Variants in FBXL3 observed in about 807,000 individuals in gnomAD.
FBXL3 encodes F-box and leucine rich repeat protein 3, also known as F-box/LRR-repeat protein 3.
In FBXL3, 14 loss-of-function variants were observed where a neutral mutation model predicts 37.9. The observed-to-expected ratio is 0.37, with a 90% confidence interval of 0.24 to 0.58. FBXL3 has a LOEUF of 0.58. Among genes scored for constraint, FBXL3 ranks in the 20% least tolerant of loss-of-function variants. FBXL3 has a pLI of 0.74. For missense variants in FBXL3, 327 were observed against 511.1 expected, an observed-to-expected ratio of 0.64 and a Z score of 3.47; for synonymous variants, 194 against 180.1, an observed-to-expected ratio of 1.08 and a Z score of -0.62.
At chr13:77,024,514 T>C (rs2034803379) in intron 1 of FBXL3, among the ~76,000 whole-genome samples, 2 of 152,206 alleles carry the variant, frequency 1.3e-5, no homozygotes, top group Non-Finnish European at 2.9e-5. Flanking sequence ...CTTTAGAGTA[T>C]ATGGATATAT....
At chr13:77,026,200 T>C (rs1431252567) in intron 1 of FBXL3, 3 of 985,328 alleles carry the variant, frequency 3.0e-6, no homozygotes, top group African/African-American at 1.7e-5. Flanking sequence ...GACCATTTAC[T>C]GGGCTGCTTC....
At chr13:77,007,818 T>C (rs1195535445) in intron 4 of FBXL3, 30 bp from the exon 5 acceptor site, 4 of 1,522,416 alleles carry the variant, frequency 2.6e-6, no homozygotes, top group Non-Finnish European at 3.5e-6. Flanking sequence ...TATTTGCAAG[T>C]TTTTGTAAAA....
intron 1 of FBXL3, among the ~76,000 whole-genome samples, chr13:77,025,003 AC>A (rs1195326074): frequency 6.6e-6 from 1 of 152,226 alleles, no homozygotes; most frequent in East Asian, 1.9e-4. Flanking sequence ...GAAAAAATTT[AC>A]ACTACTTTAA....
At chr13:77,015,827 C>A in intron 3 of FBXL3, 1 of 238,140 alleles carries the variant, frequency 4.2e-6, no homozygotes, top group East Asian at 8.0e-5. Context: ...ATAAGTGTCT[C>A]TAAATCAGAG....
chr13:77,024,197 T>C (rs985210933), intron 1 of FBXL3, among the ~76,000 whole-genome samples: 1 of 152,170 alleles, frequency 6.6e-6, no homozygotes, highest in African/African-American at 2.4e-5. Flanking sequence ...CTAATAATAA[T>C]CCCTCACTAG....
chr13:77,024,430 C>T (rs2034802129), intron 1 of FBXL3, among the ~76,000 whole-genome samples: 1 of 152,172 alleles, frequency 6.6e-6, no homozygotes. Flanking sequence ...TTATAGAATA[C>T]TGATTGCCTG....
chr13:77,007,346 T>C lies in FBXL3; in HGVS notation c.1086A>G (p.Ser362=). 1 of 1,614,150 alleles carries C rather than the reference T, an allele frequency of 6.2e-7. No individual in the cohort carries two copies. The highest frequency in any genetic ancestry group is 8.5e-7 in the Non-Finnish European group (1 of 1,180,024). The part of the protein sequence containing the change: ...IRIAERCKNL[S]AIGLGECEVS... ...CTTCACATTCCCCTAGTCCAATAGC[T>C]GACAAATTTTTGCAACGTTCTGCAA... Residue 362 remains serine, a synonymous_variant, in exon 5 of 5, where the codon TCA becomes TCG. Coordinates refer to ENST00000355619, the MANE Select transcript of FBXL3 (RefSeq NM_012158.4).
rs745817279 is a variant in FBXL3 at position 77,007,806 on chromosome 13, A to AT, written c.644-19dup. On this transcript the variant is annotated intron_variant, in intron 4 of 4. Transcript: ENST00000355619. ...AAGGATACCTTGAAAGAAAAAAAAA[A>AT]TTATTTGCAAGTTTTTGTAAAAGTT... 6.5e-7 allele frequency: 1 copy of AT among 1,529,476 alleles called. No homozygotes were observed. Among genetic ancestry groups the AT allele is most frequent in the African/African-American group, 1.4e-5 (1 of 71,882 alleles). 94.7% of individuals were successfully genotyped at this position (1,529,476 alleles called of 1,614,324 possible).
At chr13:77,008,474 G>C (rs2034490695) in intron 4 of FBXL3, 1 of 152,136 alleles carries the variant, frequency 6.6e-6, no homozygotes, top group Non-Finnish European at 1.5e-5. Context: ...TATACTTAGG[G>C]TGCCATGCTT....
intron 4 of FBXL3, chr13:77,008,552 T>G (rs568779990): frequency 6.6e-6 from 1 of 152,374 alleles, no homozygotes; most frequent in African/African-American, 2.4e-5. Context: ...GATCTCTCTG[T>G]AAGAGTTCTG....
At chr13:77,014,968 A>G (rs2034618062) in intron 4 of FBXL3, 1 of 152,292 alleles carries the variant, frequency 6.6e-6, no homozygotes, top group Non-Finnish European at 1.5e-5. Flanking sequence ...TGCAAAATCT[A>G]AGGCTACCAC....
At chr13:77,018,224 T>A (rs1391551295) in intron 3 of FBXL3, 3 of 154,474 alleles carry the variant, frequency 1.9e-5, no homozygotes, top group Non-Finnish European at 2.9e-5. Context: ...AAGCTATACC[T>A]GCTCTCAATA....
intron 2 of FBXL3, among the ~76,000 whole-genome samples, 189 bp downstream of exon 2, chr13:77,021,323 AT>A (rs1320140561): frequency 1.3e-5 from 2 of 152,136 alleles, no homozygotes; most frequent in East Asian, 3.9e-4. Context: ...ATTATTAATA[AT>A]TAATAGAGTA....
intron 4 of FBXL3, chr13:77,009,189 G>A (rs1245521461): frequency 6.6e-6 from 1 of 152,224 alleles, no homozygotes; most frequent in Non-Finnish European, 1.5e-5. Context: ...ATAAGCCATA[G>A]CTTTATAACA....
At chr13:77,014,354 G>A (rs965060124) in intron 4 of FBXL3, 2 of 152,250 alleles carry the variant, frequency 1.3e-5, no homozygotes, top group Admixed American at 6.5e-5. Context: ...ACTTTACTCT[G>A]AAAGCAGAGC....
intron 4 of FBXL3, chr13:77,008,461 C>T (rs1410013211): frequency 1.3e-5 from 2 of 152,202 alleles, no homozygotes; most frequent in Non-Finnish European, 2.9e-5. Context: ...TTAGATGATT[C>T]CCTATACTTA....
At chr13:77,017,196 A>G (rs934944223) in intron 3 of FBXL3, 1 of 152,232 alleles carries the variant, frequency 6.6e-6, no homozygotes, top group African/African-American at 2.4e-5. Context: ...GCCTCACTTA[A>G]TAAGGGAAGA....
chr13:77,013,243 T>C (rs1248634009), intron 4 of FBXL3: 1 of 152,198 alleles, frequency 6.6e-6, no homozygotes, highest in African/African-American at 2.4e-5. Context: ...ATAGGCCGAA[T>C]TAACTTTGGG....
chr13:77,018,781 C>A, intron 2 of FBXL3, 59 bp from the exon 3 acceptor site: 6 of 1,400,218 alleles, frequency 4.3e-6, no homozygotes, highest in South Asian at 1.7e-5. Context: ...CTTTTTTCCC[C>A]AAATACCCAG....
Sources: gnomAD v4.1 joint callset for allele counts (sites outside exome capture counted in the v4.1 genomes callset) on GRCh38, gnomAD v4.1.1 for gene constraint, MANE v1.5 for transcripts, NCBI Gene and HGNC (gene_info 2026-07-23, HGNC 2026-07-21) for gene names.